Variants in PALLD observed in about 807,000 individuals in gnomAD.
The protein encoded by PALLD is palladin.
A neutral mutation model predicts 123.5 loss-of-function variants in PALLD; 61 were observed. The ratio of observed to expected loss-of-function variants is 0.49; its 90% CI spans 0.40 to 0.61. PALLD has a LOEUF of 0.61. PALLD is among the 20% of genes least tolerant of loss of function. The pLI is 0.00. For synonymous variants in PALLD, 465 were observed against 496.4 expected (o/e 0.94, Z 0.84); for missense variants, 1,273 against 1,377.0 (o/e 0.92, Z 1.20).
intron 2 of PALLD, among the ~76,000 whole-genome samples, chr4:168,569,273 C>G (rs1037262167): frequency 6.6e-6 from 1 of 152,090 alleles, no homozygotes; most frequent in Non-Finnish European, 1.5e-5. Context: ...TTCCAGCCCG[C>G]CAAGTGACCA....
chr4:168,557,179 G>T (rs1252519627), intron 2 of PALLD, among the ~76,000 whole-genome samples: 2 of 152,122 alleles, frequency 1.3e-5, no homozygotes, highest in Non-Finnish European at 2.9e-5. Context: ...GAGTAGCTGG[G>T]ATTACAGGTG....
intron 2 of PALLD, among the ~76,000 whole-genome samples, chr4:168,634,682 A>G (rs1479311831): frequency 2.0e-5 from 3 of 152,156 alleles, no homozygotes; most frequent in African/African-American, 4.8e-5. Flanking sequence ...AAGCCACCAA[A>G]TGATTTGCGG....
chr4:168,533,718 A>G (rs1489648637), intron 2 of PALLD, among the ~76,000 whole-genome samples: 3 of 152,286 alleles, frequency 2.0e-5, no homozygotes, highest in Admixed American at 2.0e-4. Flanking sequence ...GTGAGCAGAC[A>G]AGAAAGAAAA....
intron 2 of PALLD, among the ~76,000 whole-genome samples, chr4:168,526,387 T>C (rs1411603044): frequency 2.6e-5 from 4 of 152,240 alleles, no homozygotes; most frequent in Admixed American, 6.5e-5. Context: ...CATTACAGTT[T>C]GTTCTGGTTG....
chr4:168,740,228 A>G (rs1239507481), intron 10 of PALLD, among the ~76,000 whole-genome samples: 1 of 152,222 alleles, frequency 6.6e-6, no homozygotes, highest in Non-Finnish European at 1.5e-5. Context: ...ATGAGTTACA[A>G]AAGAAGAAAA....
intron 17 of PALLD, among the ~76,000 whole-genome samples, chr4:168,918,339 T>C (rs184519236): frequency 1.4e-5 from 2 of 147,124 alleles, no homozygotes; most frequent in African/African-American, 5.1e-5. Flanking sequence ...TATATATATA[T>C]ACATACATAC....
At chr4:168,812,575 T>C (rs1741325668) in intron 10 of PALLD, among the ~76,000 whole-genome samples, 1 of 152,132 alleles carries the variant, frequency 6.6e-6, no homozygotes, top group Non-Finnish European at 1.5e-5. Context: ...TTCCAGCACA[T>C]CGCTGTGATG....
intron 2 of PALLD, among the ~76,000 whole-genome samples, chr4:168,581,141 T>A (rs62335504): frequency 6.6e-6 from 1 of 151,854 alleles, no homozygotes. Flanking sequence ...AGTTACAATA[T>A]TAAAAAAAAA....
At chr4:168,585,050 T>C (rs565941867) in intron 2 of PALLD, among the ~76,000 whole-genome samples, 8 of 152,182 alleles carry the variant, frequency 5.3e-5, no homozygotes, top group Non-Finnish European at 8.8e-5. Flanking sequence ...TAATTCTAAC[T>C]GACAAGAAGA....
At chr4:168,548,818 G>A (rs2712123) in intron 2 of PALLD, among the ~76,000 whole-genome samples, 3 of 151,912 alleles carry the variant, frequency 2.0e-5, no homozygotes, top group Non-Finnish European at 4.4e-5. Flanking sequence ...TGAAATTAAC[G>A]ATTTAAATAC....
chr4:168,817,860 A>T (rs1298145206), intron 10 of PALLD, among the ~76,000 whole-genome samples: 1 of 152,208 alleles, frequency 6.6e-6, no homozygotes, highest in East Asian at 1.9e-4. Context: ...ATTGTTGGCA[A>T]CTCTAGGATT....
intron 10 of PALLD, among the ~76,000 whole-genome samples, chr4:168,833,670 A>G (rs2150872166): frequency 6.6e-6 from 1 of 152,076 alleles, no homozygotes; most frequent in African/African-American, 2.4e-5. Context: ...AGGAAAAGAT[A>G]GCCAGAGAAT....
At chr4:168,501,024 C>G (rs1195691394) in intron 1 of PALLD, among the ~76,000 whole-genome samples, 1 of 152,112 alleles carries the variant, frequency 6.6e-6, no homozygotes, top group African/African-American at 2.4e-5. Context: ...ATGAATCTAA[C>G]AGAATTCAGA....
At chr4:168,808,782 A>C (rs572959413) in intron 10 of PALLD, among the ~76,000 whole-genome samples, 1 of 152,314 alleles carries the variant, frequency 6.6e-6, no homozygotes, top group Admixed American at 6.5e-5. Context: ...ATCAGATCTC[A>C]TGAGACTTAT....
At chr4:168,867,733 A>G (rs1750504546) in intron 10 of PALLD, among the ~76,000 whole-genome samples, 1 of 152,028 alleles carries the variant, frequency 6.6e-6, no homozygotes, top group Non-Finnish European at 1.5e-5. Flanking sequence ...TATTGTTCGT[A>G]CCAGCAAGAT....
intron 2 of PALLD, among the ~76,000 whole-genome samples, chr4:168,623,179 T>C (rs2723691): frequency 1.3e-5 from 2 of 152,062 alleles, no homozygotes; most frequent in East Asian, 3.9e-4. Flanking sequence ...CATCTGTTTA[T>C]TGGGGATACC....
chr4:168,647,182 TAGA>T (rs1435222363), intron 2 of PALLD, among the ~76,000 whole-genome samples: 1 of 152,340 alleles, frequency 6.6e-6, no homozygotes, highest in African/African-American at 2.4e-5. Flanking sequence ...CTTTTAAACC[TAGA>T]AGAAGTCCTT....
At chr4:168,682,095 G>A (rs940685544) in intron 4 of PALLD, among the ~76,000 whole-genome samples, 1 of 152,048 alleles carries the variant, frequency 6.6e-6, no homozygotes, top group African/African-American at 2.4e-5. Flanking sequence ...CTTTGGATAC[G>A]ATCTATATTT....
intron 2 of PALLD, among the ~76,000 whole-genome samples, chr4:168,521,179 A>G: frequency 6.6e-6 from 1 of 151,872 alleles, no homozygotes; most frequent in South Asian, 2.1e-4. Flanking sequence ...GGCAAAAAAA[A>G]CAAAAACAAA....
Sources: gnomAD v4.1 joint callset for allele counts (sites outside exome capture counted in the v4.1 genomes callset) on GRCh38, gnomAD v4.1.1 for gene constraint, MANE v1.5 for transcripts, NCBI Gene and HGNC (gene_info 2026-07-23, HGNC 2026-07-21) for gene names.